The following WDR25 variants were observed in gnomAD, a reference collection of about 807,000 sequenced individuals.
WDR25 encodes WD repeat-containing protein 25.
A neutral mutation model predicts 47.7 loss-of-function variants in WDR25; 35 were observed. That is an observed-to-expected ratio of 0.73 (90% CI 0.56 to 0.97). The LOEUF is 0.97. Ranked by LOEUF, WDR25 falls within the 50% of genes least tolerant of loss-of-function variation. The probability of loss-of-function intolerance (pLI) is 0.00; values close to 1 mark genes in which losing one functional copy is unlikely to be tolerated. For missense variants in WDR25, 634 were observed against 704.7 expected, an observed-to-expected ratio of 0.90 and a Z score of 1.14; for synonymous variants, 248 against 278.9, an observed-to-expected ratio of 0.89 and a Z score of 1.10.
At chr14:100,485,847 A>G (rs1900364865) in intron 4 of WDR25, among the ~76,000 whole-genome samples, 2 of 152,308 alleles carry the variant, frequency 1.3e-5, no homozygotes, top group East Asian at 3.9e-4. Context: ...AGGAGAGCCT[A>G]AATGCAGAGA....
intron 4 of WDR25, among the ~76,000 whole-genome samples, chr14:100,496,535 CTT>C (rs775665970): frequency 3.3e-5 from 5 of 152,022 alleles, no homozygotes; most frequent in Non-Finnish European, 5.9e-5. Context: ...ATTTGCCCTT[CTT>C]TTTCTGATTT....
intron 2 of WDR25, among the ~76,000 whole-genome samples, chr14:100,452,519 G>A (rs1899068947): frequency 6.6e-6 from 1 of 152,220 alleles, no homozygotes; most frequent in Non-Finnish European, 1.5e-5. Flanking sequence ...AGACTTGAGG[G>A]AACCCAGCAG....
chr14:100,517,240 G>T (rs1901535762), intron 4 of WDR25, among the ~76,000 whole-genome samples: 1 of 150,670 alleles, frequency 6.6e-6, no homozygotes, highest in African/African-American at 2.4e-5. Flanking sequence ...CTCACGCCTG[G>T]CTAATTTTTT....
chr14:100,452,341 C>G (rs980124284), intron 2 of WDR25, among the ~76,000 whole-genome samples: 2 of 152,168 alleles, frequency 1.3e-5, no homozygotes, highest in African/African-American at 2.4e-5. Context: ...GTCCTTACCC[C>G]CATGGAACTT....
chr14:100,392,993 C>T lies in WDR25; in HGVS notation c.822+11247C>T, dbSNP rs955446165. 3.9e-5 allele frequency among the ~76,000 whole-genome samples: 6 copies of T among 152,238 alleles called. No individual in the cohort carries two copies. Among genetic ancestry groups the T allele is most frequent in the Admixed American group, 6.5e-5 (1 of 15,284 alleles). ...ATTTGCACTGCCACCGCAAAGCTTG[C>T]GGTGTTGGTAATAACCAACTATTTT... On this transcript the variant is annotated intron_variant, in intron 2 of 6. Transcript: ENST00000402312. The surrounding 1 kb of genome is among the most constrained non-coding windows in gnomAD (Gnocchi z 4.2).
At chr14:100,465,178 G>T (rs953934909) in intron 2 of WDR25, among the ~76,000 whole-genome samples, 1 of 151,562 alleles carries the variant, frequency 6.6e-6, no homozygotes, top group Non-Finnish European at 1.5e-5. Flanking sequence ...GTGTGTGTGT[G>T]TGTATTTTTA....
At chr14:100,522,780 C>T (rs141334307) in intron 4 of WDR25, among the ~76,000 whole-genome samples, 28 of 152,354 alleles carry the variant, frequency 1.8e-4, no homozygotes, top group Admixed American at 1.3e-3. Context: ...CTCAGGTCCC[C>T]AGGGTGTCTG....
rs150812136 is a variant in WDR25 at position 100,399,028 on chromosome 14, G to A, written c.822+17282G>A. 2.7e-4 allele frequency among the ~76,000 whole-genome samples: 41 copies of A among 151,870 alleles called. No homozygotes were observed. The East Asian group carries it at 3.7e-3, about 14-fold the overall frequency. On this transcript the variant is annotated intron_variant, in intron 2 of 6. Coordinates refer to ENST00000402312, the MANE Select transcript of WDR25 (RefSeq NM_001161476.3). ...AGCACTCACTTATAAAGTGCCATTA[G>A]TGACTTGTCCTTAATGGTAGCTGTT...
chr14:100,426,807 A>G (rs979845583), intron 2 of WDR25, among the ~76,000 whole-genome samples: 3 of 152,148 alleles, frequency 2.0e-5, no homozygotes, highest in Admixed American at 1.3e-4. Context: ...GCACAGAGAA[A>G]CAAAAGATAC....
At chr14:100,377,467 A>ATTTTTTT in intron 1 of WDR25, among the ~76,000 whole-genome samples, 1 of 145,532 alleles carries the variant, frequency 6.9e-6, no homozygotes. Flanking sequence ...ACACGGCTAA[A>ATTTTTTT]TTTTTTTTTT....
chr14:100,383,522 C>T (rs1478318882), intron 2 of WDR25, among the ~76,000 whole-genome samples: 2 of 152,240 alleles, frequency 1.3e-5, no homozygotes, highest in South Asian at 4.1e-4. Context: ...CTTCTTTTAC[C>T]TGCCCGCTCA....
chr14:100,415,349 CAT>C (rs1426722214), intron 2 of WDR25, among the ~76,000 whole-genome samples: 1 of 152,118 alleles, frequency 6.6e-6, no homozygotes. Context: ...AGTCTAAAGT[CAT>C]ATGTGTATGG....
chr14:100,380,122 A>G (rs1201180305), intron 1 of WDR25, among the ~76,000 whole-genome samples: 1 of 150,776 alleles, frequency 6.6e-6, no homozygotes, highest in East Asian at 1.9e-4. Context: ...ATCTCAGGTC[A>G]TTGCAACCTC....
intron 4 of WDR25, among the ~76,000 whole-genome samples, chr14:100,501,820 G>C (rs754369492): frequency 6.6e-6 from 1 of 152,210 alleles, no homozygotes. Context: ...GAGAATGGGG[G>C]CACTGAATGT....
At chr14:100,420,032 G>T (rs887003296) in intron 2 of WDR25, among the ~76,000 whole-genome samples, 3 of 152,216 alleles carry the variant, frequency 2.0e-5, no homozygotes, top group Non-Finnish European at 4.4e-5. Flanking sequence ...ACGGGTGCTC[G>T]CAGGGCCCAC....
At chr14:100,496,321 T>C (rs1019141132) in intron 4 of WDR25, among the ~76,000 whole-genome samples, 1 of 152,224 alleles carries the variant, frequency 6.6e-6, no homozygotes, top group Non-Finnish European at 1.5e-5. Flanking sequence ...TCTCTTTTTC[T>C]TTTGATATTT....
intron 3 of WDR25, among the ~76,000 whole-genome samples, chr14:100,472,008 A>C (rs965237478): frequency 1.3e-5 from 2 of 152,154 alleles, no homozygotes; most frequent in Non-Finnish European, 2.9e-5. Context: ...CAGCTGTGCC[A>C]CACGCCAGCT....
At chr14:100,439,334 G>T (rs748491347) in intron 2 of WDR25, among the ~76,000 whole-genome samples, 24 of 152,188 alleles carry the variant, frequency 1.6e-4, no homozygotes, top group Admixed American at 2.6e-4. Context: ...TTCAGCCCCC[G>T]GACTCCTGTG....
intron 2 of WDR25, among the ~76,000 whole-genome samples, chr14:100,433,560 A>C (rs1284038374): frequency 6.6e-6 from 1 of 152,198 alleles, no homozygotes; most frequent in Non-Finnish European, 1.5e-5. Context: ...ACCTCTCATC[A>C]ACTCGTTTTA....
Sources: gnomAD v4.1 joint callset for allele counts (sites outside exome capture counted in the v4.1 genomes callset) on GRCh38, gnomAD v4.1.1 for gene constraint, Gnocchi (gnomAD v3.1) non-coding constraint, MANE v1.5 for transcripts, NCBI Gene and HGNC (gene_info 2026-07-23, HGNC 2026-07-21) for gene names.